The following WDR70 variants were observed in gnomAD, a reference collection of about 807,000 sequenced individuals.
The protein encoded by WDR70 is WD repeat-containing protein 70.
Under a neutral mutation model 88.6 loss-of-function variants are expected in WDR70, and 53 were observed. The observed-to-expected ratio is 0.60, with a 90% CI of 0.48 to 0.75. WDR70 has a LOEUF of 0.75. Among genes scored for constraint, WDR70 ranks in the 30% least tolerant of loss-of-function variants. The pLI, the probability that WDR70 is intolerant of heterozygous loss-of-function variation, is 0.00. For missense variants in WDR70, 610 were observed against 823.2 expected (o/e 0.74, Z 3.17); for synonymous variants, 280 against 270.0 (o/e 1.04, Z -0.36).
chr5:37,481,989 A>G (rs1377586949), intron 8 of WDR70, among the ~76,000 whole-genome samples: 3 of 152,176 alleles, frequency 2.0e-5, no homozygotes, highest in Non-Finnish European at 4.4e-5. Context: ...CAATGCCTCC[A>G]GTGTCTTTGC....
At position 37,402,293 on chromosome 5, in the gene WDR70, TTGTGTGTGTG is replaced by T. The variant is rs35565451; in HGVS notation, c.492+5749_492+5758del. Among the ~76,000 whole-genome samples, 8 of 24,508 alleles carry T rather than the reference TTGTGTGTGTG, an allele frequency of 3.3e-4. No individual in the cohort carries two copies. The East Asian group carries it at 3.4e-3, about 11-fold the overall frequency. The allele number at this position is 24,508 out of a possible 152,430, so 16.1% of individuals were successfully genotyped here. On this transcript the variant is annotated intron_variant, in intron 5 of 17. Transcript: ENST00000265107. ...CTTTCTAAATTTAGCCAGATAGTAT[TTGTGTGTGTG>T]TGTGTGTGTGTGTGTGTGTGTGTGT...
At chr5:37,383,348 C>A (rs532356265) in intron 3 of WDR70, among the ~76,000 whole-genome samples, 1 of 152,192 alleles carries the variant, frequency 6.6e-6, no homozygotes, top group African/African-American at 2.4e-5. Context: ...TGACCTCCGC[C>A]TCTTGGGTTC....
chr5:37,697,497 T>C (rs1055813794), intron 10 of WDR70, among the ~76,000 whole-genome samples, 158 bp from the exon 11 acceptor site: 2 of 152,248 alleles, frequency 1.3e-5, no homozygotes, highest in African/African-American at 4.8e-5. Context: ...ATTTGGTTTT[T>C]CTTTTTTTTA....
chr5:37,752,501 C>G lies in WDR70; in HGVS notation c.1893C>G (p.Thr631=). ...SPAYSKTQPK[T]MFAQVESDDE... ...TTTCTTTTAGGACTCAGCCCAAAAC[C>G]ATGTTTGCCCAAGTTGAATCTGATG... The change falls in exon 18 of 18, where the codon ACC becomes ACG. Residue 631 remains threonine, a synonymous_variant. Transcript: ENST00000265107. 6.2e-7 allele frequency: 1 copy of G among 1,611,786 alleles called. No homozygotes were observed. Among genetic ancestry groups the G allele is most frequent in the East Asian group, 2.2e-5 (1 of 44,820 alleles).
chr5:37,529,449 A>G (rs1055428611), intron 9 of WDR70, among the ~76,000 whole-genome samples: 17 of 152,138 alleles, frequency 1.1e-4, no homozygotes, highest in Non-Finnish European at 2.4e-4. Flanking sequence ...CTACTCATCC[A>G]TGAGCATGGG....
intron 10 of WDR70, among the ~76,000 whole-genome samples, chr5:37,648,834 T>C (rs1274613395): frequency 2.6e-5 from 4 of 152,358 alleles, no homozygotes; most frequent in African/African-American, 9.6e-5. Context: ...AGCAAGAATT[T>C]TCTCTACCAT....
At chr5:37,724,743 A>G (rs559175452) in intron 15 of WDR70, 191 bp from the exon 16 acceptor site, 10 of 592,654 alleles carry the variant, frequency 1.7e-5, no homozygotes, top group African/African-American at 1.1e-4. Context: ...GTTAGCTGCC[A>G]GGAGAGGTGA....
At chr5:37,532,960 G>T (rs1741543471) in intron 9 of WDR70, among the ~76,000 whole-genome samples, 1 of 152,180 alleles carries the variant, frequency 6.6e-6, no homozygotes, top group African/African-American at 2.4e-5. Flanking sequence ...GTGCTCCCTT[G>T]ATGTGTTGTT....
intron 10 of WDR70, among the ~76,000 whole-genome samples, chr5:37,668,357 T>G (rs761842303): frequency 4.6e-5 from 7 of 152,232 alleles, no homozygotes; most frequent in Non-Finnish European, 1.0e-4. Flanking sequence ...GTCTGAAGAT[T>G]ATAAATTAGA....
intron 13 of WDR70, among the ~76,000 whole-genome samples, chr5:37,704,665 A>G (rs1021932059): frequency 6.6e-6 from 1 of 152,218 alleles, no homozygotes; most frequent in South Asian, 2.1e-4. Flanking sequence ...TCACTGCAGT[A>G]TCCTCGATGC....
chr5:37,721,470 C>T, intron 14 of WDR70: 1 of 509,742 alleles, frequency 2.0e-6, no homozygotes, highest in Non-Finnish European at 3.5e-6. Flanking sequence ...ATGTTGAGTG[C>T]AAGGGGGAAA....
At chr5:37,568,362 A>G (rs1363369247) in intron 9 of WDR70, among the ~76,000 whole-genome samples, 1 of 152,198 alleles carries the variant, frequency 6.6e-6, no homozygotes, top group East Asian at 1.9e-4. Flanking sequence ...TAAAAGATCT[A>G]ACTTTGGTTT....
intron 7 of WDR70, among the ~76,000 whole-genome samples, chr5:37,448,218 T>G (rs1738560736): frequency 6.6e-6 from 1 of 152,226 alleles, no homozygotes; most frequent in Non-Finnish European, 1.5e-5. Flanking sequence ...ATTTGTCTAG[T>G]AGGAGTCCTT....
In WDR70 at chr5:37,394,602, T is replaced by C. The variant is rs374542393; in HGVS notation, c.297-1773T>C. Among the ~76,000 whole-genome samples the C allele has an allele frequency of 1.2e-4, 19 of 152,258 alleles. No homozygotes were observed. In the East Asian group the frequency reaches 3.5e-3, roughly 28 times the overall value. On this transcript the variant is annotated intron_variant, in intron 4 of 17. Coordinates refer to ENST00000265107, the MANE Select transcript of WDR70 (RefSeq NM_018034.4). ...TGTAATGAAGATAAACAAAGGTACT[T>C]AAGGTAATGGGAAGTGGTGGTGTGC...
At chr5:37,561,173 C>T (rs1742492381) in intron 9 of WDR70, among the ~76,000 whole-genome samples, 2 of 152,058 alleles carry the variant, frequency 1.3e-5, no homozygotes, top group Admixed American at 6.5e-5. Flanking sequence ...TACAGACTTG[C>T]CATGTCTCGT....
intron 9 of WDR70, among the ~76,000 whole-genome samples, chr5:37,529,490 A>G: frequency 6.6e-6 from 1 of 151,926 alleles, no homozygotes; most frequent in Non-Finnish European, 1.5e-5. Flanking sequence ...GTCATCTAAG[A>G]TTTTTTCAGT....
rs377395796 is a variant in WDR70, at chr5:37,687,807, G to A, written c.1093-9848G>A. ...TTACTTGAGCACTGGAAGGCTATATGTCTTTCTACCTTAGAATCCCACTCA... is the reference window on the plus strand; with the variant it reads ...TTACTTGAGCACTGGAAGGCTATATATCTTTCTACCTTAGAATCCCACTCA... On this transcript the variant is annotated intron_variant, in intron 10 of 17. Transcript: ENST00000265107. The A allele has an allele frequency of 8.0e-4, 372 of 466,504 alleles. 1 individual carries two copies. The highest frequency in any genetic ancestry group is 6.6e-3 in the African/African-American group (335 of 50,862). The allele number at this position is 466,504 out of a possible 1,614,324, so 28.9% of individuals were successfully genotyped here.
intron 10 of WDR70, chr5:37,688,033 G>T: frequency 1.6e-6 from 1 of 630,074 alleles, no homozygotes; most frequent in African/African-American, 1.8e-5. Flanking sequence ...TTGTTTACTG[G>T]TATATATATG....
At position 37,480,031 on chromosome 5, in the gene WDR70, A is replaced by T. The variant is rs201417419; in HGVS notation, c.840+44A>T. 3.2e-6 allele frequency: 5 copies of T among 1,568,968 alleles called. No individual in the cohort carries two copies. The African/African-American group carries it at 6.8e-5, about 21-fold the overall frequency. On this transcript the variant is annotated intron_variant, in intron 8 of 17. Coordinates refer to ENST00000265107, the MANE Select transcript of WDR70 (RefSeq NM_018034.4). ...ATTTTAATGAATTAATTCAGCACACATTTATTAACAACTATTTGAGTTATC... is the reference window on the plus strand; with the variant it reads ...ATTTTAATGAATTAATTCAGCACACTTTTATTAACAACTATTTGAGTTATC...
Sources: gnomAD v4.1 joint callset for allele counts (sites outside exome capture counted in the v4.1 genomes callset) on GRCh38, gnomAD v4.1.1 for gene constraint, MANE v1.5 for transcripts, NCBI Gene and HGNC (gene_info 2026-07-23, HGNC 2026-07-21) for gene names.